Variants in TRPM1 observed in about 807,000 individuals in gnomAD.
TRPM1 encodes the protein transient receptor potential cation channel subfamily M member 1.
Under a neutral mutation model 149.4 loss-of-function variants are expected in TRPM1, and 113 were observed. That is an observed-to-expected ratio of 0.76 (90% confidence interval 0.65 to 0.88). TRPM1 has a LOEUF of 0.88. TRPM1 is among the 40% of genes least tolerant of loss of function. TRPM1 has a pLI of 0.00. For synonymous variants in TRPM1, 741 were observed against 759.5 expected, an observed-to-expected ratio of 0.98 and a Z score of 0.40; for missense variants, 1,976 against 2,038.7, an observed-to-expected ratio of 0.97 and a Z score of 0.59.
In TRPM1 at chr15:31,041,962, A is replaced by T; in HGVS notation, c.2076T>A (p.Asp692Glu). The T allele has an allele frequency of 6.2e-7, 1 of 1,614,130 alleles. No individual in the cohort carries two copies. Among genetic ancestry groups the T allele is most frequent in the Middle Eastern group, 1.6e-4 (1 of 6,062 alleles). Reference sequence around the variant, plus strand: ...CGCTAGACACTAACTTGGAATTGTTATCCAAGTCCTGGGAGATGTCATCCA... The same window carrying T: ...CGCTAGACACTAACTTGGAATTGTTTTCCAAGTCCTGGGAGATGTCATCCA... ...DLVDDISQDL[D>E]NNSKDFGQLA... The change falls in exon 17 of 28, where the codon GAT becomes GAA. Residue 692 changes from aspartate to glutamate, a missense_variant. Physicochemically the swap from Asp to Glu is conservative, Grantham distance 45. This residue lies in a region of TRPM1 where 1,332 missense variants were observed against 1,347.1 expected (regional missense o/e 0.99). Transcript: ENST00000256552.
chr15:31,058,656 A>G (rs1406124049), intron 11 of TRPM1, among the ~76,000 whole-genome samples: 7 of 152,262 alleles, frequency 4.6e-5, no homozygotes, highest in Non-Finnish European at 1.0e-4. Flanking sequence ...TGAATTAGGA[A>G]GATGAAACTT....
At chr15:31,113,018 C>G (rs148190079) in intron 1 of TRPM1, among the ~76,000 whole-genome samples, 1 of 152,274 alleles carries the variant, frequency 6.6e-6, no homozygotes, top group East Asian at 1.9e-4. Context: ...GTAAGTGTTC[C>G]GTGTTGGAGC....
rs139970811 is a variant in TRPM1 at position 31,136,584 on chromosome 15, G to C, written c.54+24322C>G. ...GGCCAAGGCCCTAATTCACCAAATG[G>C]GCCACCTTCAGTCTTCAATCAGCAT... On this transcript the variant is annotated intron_variant, in intron 1 of 26. Coordinates refer to the TRPM1 transcript ENST00000542188. 4.9e-3 allele frequency among the ~76,000 whole-genome samples: 740 copies of C among 152,186 alleles called. 7 individuals are homozygous for C. The highest frequency in any genetic ancestry group is 0.017 in the African/African-American group (713 of 41,516).
intron 1 of TRPM1, among the ~76,000 whole-genome samples, chr15:31,149,736 G>A (rs112861628): frequency 0.012 from 1,795 of 152,086 alleles, 14 homozygotes; most frequent in Non-Finnish European, 0.017. Context: ...AGCCAGGATG[G>A]TCTCGATCTC....
rs146839893 is a variant in TRPM1, at chr15:31,125,894, G to A, written c.54+35012C>T. Among the ~76,000 whole-genome samples the A allele has an allele frequency of 5.9e-3, 894 of 152,138 alleles. 9 individuals are homozygous for A. Among genetic ancestry groups the A allele is most frequent in the African/African-American group, 0.02 (849 of 41,490 alleles). ...GCTTGTAATCCCAGCACTTTGGCAG[G>A]CTGATGCAGGTGGATCACTTGAGGT... On this transcript the variant is annotated intron_variant, in intron 1 of 26. Coordinates refer to the TRPM1 transcript ENST00000542188.
At chr15:31,074,524 T>C (rs1337963750) in intron 3 of TRPM1, among the ~76,000 whole-genome samples, 2 of 152,118 alleles carry the variant, frequency 1.3e-5, no homozygotes, top group Non-Finnish European at 2.9e-5. Context: ...ATAAGGTTGG[T>C]AGTAATGTCC....
At chr15:31,148,885 G>A (rs1446121239) in intron 1 of TRPM1, among the ~76,000 whole-genome samples, 2 of 152,152 alleles carry the variant, frequency 1.3e-5, no homozygotes, top group Admixed American at 6.5e-5. Flanking sequence ...GGCATGCTGG[G>A]AGCCAGGCAG....
chr15:31,073,988 T>A (rs2034625920), intron 3 of TRPM1, among the ~76,000 whole-genome samples: 2 of 152,132 alleles, frequency 1.3e-5, no homozygotes, highest in South Asian at 2.1e-4. Context: ...TATATTGATA[T>A]GCTATATTAC....
intron 1 of TRPM1, among the ~76,000 whole-genome samples, chr15:31,143,822 G>C (rs2036189827): frequency 6.6e-6 from 1 of 151,792 alleles, no homozygotes; most frequent in Non-Finnish European, 1.5e-5. Flanking sequence ...TAGAACGTTT[G>C]CTTTTCCTTC....
At chr15:31,043,531 A>G (rs12148242) in intron 16 of TRPM1, among the ~76,000 whole-genome samples, 13,486 of 152,164 alleles carry the variant, frequency 0.089, 812 homozygotes, top group Non-Finnish European at 0.14. Flanking sequence ...ATGAGCTGTG[A>G]TAACATTTTA....
intron 1 of TRPM1, among the ~76,000 whole-genome samples, chr15:31,113,791 A>C (rs941586552): frequency 5.3e-5 from 8 of 152,194 alleles, no homozygotes; most frequent in African/African-American, 1.7e-4. Context: ...AAAGGTGGCA[A>C]GGACCCACAG....
intron 1 of TRPM1, among the ~76,000 whole-genome samples, chr15:31,146,072 A>G (rs1211568726): frequency 6.6e-6 from 1 of 152,196 alleles, no homozygotes; most frequent in Non-Finnish European, 1.5e-5. Context: ...GACCCTGGCT[A>G]AGGAGCATAC....
chr15:31,143,671 C>T (rs916182029), intron 1 of TRPM1, among the ~76,000 whole-genome samples: 1 of 152,142 alleles, frequency 6.6e-6, no homozygotes, highest in African/African-American at 2.4e-5. Flanking sequence ...CCTCGGCCTC[C>T]CAAAATGCTG....
intron 1 of TRPM1, among the ~76,000 whole-genome samples, chr15:31,123,049 A>G (rs1014288367): frequency 1.3e-5 from 2 of 152,254 alleles, no homozygotes; most frequent in Admixed American, 1.3e-4. Context: ...CTAATGCAAT[A>G]AAGTGATCTT....
chr15:31,063,032 TCTA>T lies in TRPM1; in HGVS notation c.965+83_965+85del, dbSNP rs2034274264. The T allele has an allele frequency of 9.0e-6, 14 of 1,550,616 alleles. No individual in the cohort carries two copies. The African/African-American group carries it at 1.8e-4, about 20-fold the overall frequency. ...TCCTGATTTAAACACGTTTGGAATG[TCTA>T]AGCAGACCACTTTAGATTTTCTCCT... On this transcript the variant is annotated intron_variant, in intron 8 of 27. Transcript: ENST00000256552.
At chr15:31,020,426 G>C (rs2032515012) in intron 27 of TRPM1, among the ~76,000 whole-genome samples, 3 of 152,228 alleles carry the variant, frequency 2.0e-5, no homozygotes, top group Admixed American at 2.0e-4. Flanking sequence ...CGTATGTACA[G>C]TTGTCTTTCT....
chr15:31,018,121 G>A lies in TRPM1; in HGVS notation c.3629+8018C>T, dbSNP rs147319997. On this transcript the variant is annotated intron_variant, in intron 27 of 27. Transcript: ENST00000256552. ...GGCTGGAGTGCAGTGGTGCGACCTC[G>A]GCTCACTGCAACCTCTGCCTCTCGA... Among the ~76,000 whole-genome samples, 707 of 152,060 alleles carry A rather than the reference G, an allele frequency of 4.6e-3. 6 individuals carry two copies. The highest frequency in any genetic ancestry group is 0.016 in the African/African-American group (673 of 41,476).
At chr15:31,076,834 C>G in intron 3 of TRPM1, 71 bp downstream of exon 3, 1 of 1,267,728 alleles carries the variant, frequency 7.9e-7, no homozygotes, top group Non-Finnish European at 1.2e-6. Context: ...CTTTCTGCCT[C>G]TTACAAACAT....
Position 31,036,388 on chromosome 15 carries a change from G to C in TRPM1, c.2572-714C>G, listed in dbSNP as rs2033375689. Among the ~76,000 whole-genome samples, 3 of 152,166 alleles carry C rather than the reference G, an allele frequency of 2.0e-5. No homozygotes were observed. In the South Asian group the frequency reaches 6.2e-4, roughly 32 times the overall value. On this transcript the variant is annotated intron_variant, in intron 20 of 27. Coordinates refer to ENST00000256552, the MANE Select transcript of TRPM1 (RefSeq NM_001252024.2). The stretch of plus-strand genomic sequence containing the variant: ...CACAGGCCCCTGTGGAAGGCTTGGG[G>C]GAGGGGTGCTAAAAACTGAGTATTT...
Sources: allele counts gnomAD v4.1 joint callset (sites outside exome capture counted in the v4.1 genomes callset), GRCh38; gene constraint gnomAD v4.1.1; regional missense constraint gnomAD v4.1.1; transcripts MANE v1.5; gene names NCBI Gene and HGNC (gene_info 2026-07-23, HGNC 2026-07-21).